Variants in AGK observed in about 807,000 individuals in gnomAD.
AGK encodes acylglycerol kinase.
Under a neutral mutation model 66.4 loss-of-function variants are expected in AGK, and 52 were observed. That is an observed-to-expected ratio of 0.78 (90% CI 0.63 to 0.99). The LOEUF (loss-of-function observed/expected upper bound fraction) is 0.99. Among genes scored for constraint, AGK ranks in the 50% least tolerant of loss-of-function variants. The probability of loss-of-function intolerance (pLI) is 0.00; values close to 1 mark genes in which losing one functional copy is unlikely to be tolerated. For missense variants in AGK, 451 were observed against 506.6 expected (o/e 0.89, Z 1.05); for synonymous variants, 182 against 181.1 (o/e 1.00, Z -0.04).
Position 141,596,583 on chromosome 7 carries a change from C to A in AGK, c.163C>A (p.Pro55Thr). ...EAQVFGNQLI[P>T]PNAQVKKATV... ...TTAGGTGTTTGGCAATCAACTCATT[C>A]CTCCCAATGCACAAGTGAAGAAGGC... The change falls in exon 4 of 16, where the codon CCT becomes ACT. Residue 55 changes from proline to threonine, a missense_variant. Coordinates refer to ENST00000649286, the MANE Select transcript of AGK (RefSeq NM_018238.4). 1 of 1,613,968 alleles carries A rather than the reference C, an allele frequency of 6.2e-7. No homozygotes were observed. The highest frequency in any genetic ancestry group is 1.1e-5 in the South Asian group (1 of 91,074).
chr7:141,608,498 G>T (rs1341668767), intron 5 of AGK, among the ~76,000 whole-genome samples: 1 of 152,158 alleles, frequency 6.6e-6, no homozygotes, highest in African/African-American at 2.4e-5. Flanking sequence ...TGAGCAAAGG[G>T]TGAGAGTAAG....
In AGK at chr7:141,589,779, C is replaced by T. The variant is rs574678157; in HGVS notation, c.102-3367C>T. ...TTCACCATGTTGGTCAAGCTGGTCTCGAACTCCCGACCTCAGGTGATCCGC... is the reference window on the plus strand; with the variant it reads ...TTCACCATGTTGGTCAAGCTGGTCTTGAACTCCCGACCTCAGGTGATCCGC... On this transcript the variant is annotated intron_variant, in intron 2 of 15. Coordinates refer to ENST00000649286, the MANE Select transcript of AGK (RefSeq NM_018238.4). Among the ~76,000 whole-genome samples, 39 of 152,212 alleles carry T rather than the reference C, an allele frequency of 2.6e-4. No homozygotes were observed. The South Asian group carries it at 7.0e-3, about 27-fold the overall frequency.
chr7:141,646,593 C>G (rs911783451), intron 13 of AGK, among the ~76,000 whole-genome samples: 3 of 152,110 alleles, frequency 2.0e-5, no homozygotes, highest in African/African-American at 7.2e-5. Flanking sequence ...AAGGACAGCC[C>G]ACAGGCCCGA....
At chr7:141,578,976 C>T (rs1306145685) in intron 2 of AGK, among the ~76,000 whole-genome samples, 9 of 151,644 alleles carry the variant, frequency 5.9e-5, no homozygotes, top group East Asian at 1.9e-4. Context: ...CAGTGTAAAC[C>T]GGCAGTGTAA....
chr7:141,596,541 C>T, intron 3 of AGK, 21 bp from the exon 4 acceptor site: 1 of 1,607,856 alleles, frequency 6.2e-7, no homozygotes, highest in Non-Finnish European at 8.5e-7. Context: ...TTACTGAAAA[C>T]TTTGCTCTTT....
intron 11 of AGK, 76 bp from the exon 12 acceptor site, chr7:141,641,172 A>G: frequency 7.2e-7 from 1 of 1,394,954 alleles, no homozygotes; most frequent in Non-Finnish European, 9.8e-7. Context: ...AGACAAATAA[A>G]TAACTTTTGC....
chr7:141,595,059 C>A lies in AGK; in HGVS notation c.142-1503C>A, dbSNP rs149469827. 2.9e-3 allele frequency among the ~76,000 whole-genome samples: 441 copies of A among 152,370 alleles called. 4 individuals are homozygous for A. Among genetic ancestry groups the A allele is most frequent in the African/African-American group, 9.8e-3 (409 of 41,592 alleles). Reference sequence around the variant, plus strand: ...AGCCTCAGCTGGCTAATTTTCCTATCTGTGTACTTCCTTTTACAGTCTAAA... The same window carrying A: ...AGCCTCAGCTGGCTAATTTTCCTATATGTGTACTTCCTTTTACAGTCTAAA... On this transcript the variant is annotated intron_variant, in intron 3 of 15. Transcript: ENST00000649286.
chr7:141,568,997 G>T (rs1795530678), intron 2 of AGK, among the ~76,000 whole-genome samples: 1 of 152,188 alleles, frequency 6.6e-6, no homozygotes, highest in Non-Finnish European at 1.5e-5. Context: ...AAGCAAGTGT[G>T]CTACTGTAGC....
chr7:141,597,890 CAAAAAAAAAAAAAAA>C lies in AGK; in HGVS notation c.221+1264_221+1278del, dbSNP rs56295907. Among the ~76,000 whole-genome samples, 16 of 71,434 alleles carry C rather than the reference CAAAAAAAAAAAAAAA, an allele frequency of 2.2e-4. No individual in the cohort carries two copies. In the South Asian group the frequency reaches 3.7e-3, roughly 17 times the overall value. The allele number at this position is 71,434 out of a possible 152,430, so 46.9% of individuals were successfully genotyped here. A position where few individuals can be genotyped will look rare whatever the true frequency, so the allele number is the denominator to read the frequency against. ...TGGGCAATAGAGTGAGACTCTGTCT[CAAAAAAAAAAAAAAA>C]AAAAAAAAAAAAAAGAAAGAAGAAA... On this transcript the variant is annotated intron_variant, in intron 4 of 15. Coordinates refer to ENST00000649286, the MANE Select transcript of AGK (RefSeq NM_018238.4).
At chr7:141,623,634 T>G (rs1796874108) in intron 9 of AGK, among the ~76,000 whole-genome samples, 1 of 152,206 alleles carries the variant, frequency 6.6e-6, no homozygotes, top group South Asian at 2.1e-4. Context: ...AAAGAAGCCC[T>G]CCTCCTAACA....
At chr7:141,556,519 T>G (rs1029418726) in intron 2 of AGK, among the ~76,000 whole-genome samples, 1 of 141,688 alleles carries the variant, frequency 7.1e-6, no homozygotes, top group Non-Finnish European at 1.5e-5. Context: ...CTAGCCTGGG[T>G]GAGGGAGTGA....
intron 13 of AGK, among the ~76,000 whole-genome samples, chr7:141,646,402 G>C (rs1797414963): frequency 6.6e-6 from 1 of 152,126 alleles, no homozygotes; most frequent in Non-Finnish European, 1.5e-5. Flanking sequence ...CTTCAGACAT[G>C]GGGCATTGGG....
intron 2 of AGK, among the ~76,000 whole-genome samples, chr7:141,566,730 CCCCTCTGACTCTCA>C (rs1795479115): frequency 1.3e-5 from 2 of 152,186 alleles, no homozygotes; most frequent in African/African-American, 4.8e-5. Context: ...TCCTGTTCAG[CCCCTCTGACTCTCA>C]TCCCATTGTT....
At chr7:141,599,558 C>T (rs931744952) in intron 4 of AGK, among the ~76,000 whole-genome samples, 5 of 152,126 alleles carry the variant, frequency 3.3e-5, no homozygotes, top group Middle Eastern at 3.2e-3. Context: ...ATTTCTTAAA[C>T]TAACTCAGAG....
chr7:141,619,683 AAGC>A (rs1056946956), intron 8 of AGK, among the ~76,000 whole-genome samples: 1 of 151,746 alleles, frequency 6.6e-6, no homozygotes, highest in Admixed American at 6.6e-5. Flanking sequence ...GAAAAAAAAA[AAGC>A]AAACAAAAAC....
At chr7:141,586,810 G>T (rs998953351) in intron 2 of AGK, among the ~76,000 whole-genome samples, 2 of 152,100 alleles carry the variant, frequency 1.3e-5, no homozygotes, top group Non-Finnish European at 1.5e-5. Context: ...TTTTTCCTTT[G>T]ACTTTCAAAT....
intron 2 of AGK, among the ~76,000 whole-genome samples, chr7:141,575,138 G>A (rs952896033): frequency 6.6e-6 from 1 of 152,264 alleles, no homozygotes; most frequent in African/African-American, 2.4e-5. Flanking sequence ...GCATTTGCCA[G>A]TACATATGGT....
intron 5 of AGK, among the ~76,000 whole-genome samples, chr7:141,604,564 G>T (rs1039505146): frequency 6.7e-6 from 1 of 149,272 alleles, no homozygotes; most frequent in African/African-American, 2.5e-5. Context: ...TAACATTGAT[G>T]TACTATTATC....
intron 10 of AGK, among the ~76,000 whole-genome samples, chr7:141,634,298 A>T (rs1187118215): frequency 6.6e-6 from 1 of 152,202 alleles, no homozygotes; most frequent in Non-Finnish European, 1.5e-5. Flanking sequence ...TGGATTGCCT[A>T]TCATTCTGCA....
Sources: gnomAD v4.1 joint callset for allele counts (sites outside exome capture counted in the v4.1 genomes callset) on GRCh38, gnomAD v4.1.1 for gene constraint, MANE v1.5 for transcripts, NCBI Gene and HGNC (gene_info 2026-07-23, HGNC 2026-07-21) for gene names.